AGGF1: variants seen among roughly 807,000 people sequenced by gnomAD.
AGGF1 encodes the protein angiogenic factor with G patch and FHA domains 1.
A neutral mutation model predicts 86.5 loss-of-function variants in AGGF1; 56 were observed. The ratio of observed to expected loss-of-function variants is 0.65; its 90% CI spans 0.52 to 0.81. AGGF1 has a LOEUF of 0.81. AGGF1 is among the 30% of genes least tolerant of loss of function. The pLI, the probability that AGGF1 is intolerant of heterozygous loss-of-function variation, is 0.00. For synonymous variants in AGGF1, 313 were observed against 297.1 expected (o/e 1.05, Z -0.55); for missense variants, 816 against 850.9 (o/e 0.96, Z 0.51).
chr5:77,033,368 G>T (rs115507528), intron 1 of AGGF1, among the ~76,000 whole-genome samples: 4 of 152,174 alleles, frequency 2.6e-5, no homozygotes, highest in African/African-American at 9.7e-5. Flanking sequence ...ATTTCAGGTG[G>T]TTTTGTGAAT....
At position 77,030,759 on chromosome 5, in the gene AGGF1, C is replaced by T. The variant is rs1746827585; in HGVS notation, c.-8C>T. The T allele has an allele frequency of 6.4e-7, 1 of 1,564,516 alleles. No individual in the cohort carries two copies. ...TCCGCGGCGACGAGCAGTCTCGCGC[C>T]GGAGCTCATGGCCTCGGAGGCGCCG... On this transcript the variant is annotated 5_prime_UTR_variant, in exon 1 of 14. Transcript: ENST00000312916.
intron 6 of AGGF1, 96 bp from the exon 7 acceptor site, chr5:77,048,065 A>C: frequency 1.2e-6 from 1 of 845,520 alleles, no homozygotes; most frequent in Non-Finnish European, 2.0e-6. Context: ...ATTTTTGACC[A>C]ACACATTTTT....
At chr5:77,049,120 G>C (rs1329108504) in intron 8 of AGGF1, 133 bp downstream of exon 8, 1 of 752,246 alleles carries the variant, frequency 1.3e-6, no homozygotes, top group Non-Finnish European at 2.2e-6. Context: ...AATAAAGGCA[G>C]TGCAGATCTG....
In AGGF1 at chr5:77,039,551, TC is replaced by T. The variant is rs1462989448; in HGVS notation, c.704del (p.Pro235LeufsTer22). On this transcript the variant is annotated frameshift_variant, in exon 5 of 14. Coordinates refer to ENST00000312916, the MANE Select transcript of AGGF1 (RefSeq NM_018046.5). LOFTEE classifies it high-confidence loss of function. ...YDSENQLYYDPSTGIYYYCDV... is the reference protein window; with the variant it reads ...YDSENQLYYDXSTGIYYYCDV... The stretch of plus-strand genomic sequence containing the variant: ...CAAAGGAAAATCAACTCTATTATGA[TC>T]CTTCCACTGGAATTTATTACTATTG... 2 of 1,609,108 alleles carry T rather than the reference TC, an allele frequency of 1.2e-6. No homozygotes were observed. The highest frequency in any genetic ancestry group is 1.7e-6 in the Non-Finnish European group (2 of 1,177,618).
chr5:77,034,435 A>T lies in AGGF1; in HGVS notation c.228A>T (p.Lys76Asn). 1 of 1,612,578 alleles carries T rather than the reference A, an allele frequency of 6.2e-7. No individual in the cohort carries two copies. Among genetic ancestry groups the T allele is most frequent in the Non-Finnish European group, 8.5e-7 (1 of 1,178,714 alleles). ...TCTCTCAGGTGGAAGAACTCAGTAAAATACTCCAACGTGGGAGAAATGAAG... is the reference window on the plus strand; with the variant it reads ...TCTCTCAGGTGGAAGAACTCAGTAATATACTCCAACGTGGGAGAAATGAAG... ...ELRTQVEELS[K>N]ILQRGRNEDN... Residue 76 changes from lysine to asparagine, a missense_variant, in exon 2 of 14, where the codon AAA (lysine) becomes AAT (asparagine). Lys to Asn is a moderately conservative substitution (Grantham distance 94, BLOSUM62 0). Transcript: ENST00000312916.
rs1430895116 is a variant in AGGF1, at chr5:77,052,725, T to A, written c.1385T>A (p.Phe462Tyr). 6.2e-7 allele frequency: 1 copy of A among 1,613,144 alleles called. No individual in the cohort carries two copies. The highest frequency in any genetic ancestry group is 8.5e-7 in the Non-Finnish European group (1 of 1,179,590). Reference sequence around the variant, plus strand: ...TCTAAGTTTCATGCAGAAATTTATTTTGACCATGACTTACAAAGTTATGTC... The same window carrying A: ...TCTAAGTTTCATGCAGAAATTTATTATGACCATGACTTACAAAGTTATGTC... ...GVSKFHAEIYFDHDLQSYVLV... is the reference protein window; with the variant it reads ...GVSKFHAEIYYDHDLQSYVLV... Residue 462 changes from phenylalanine (F) to tyrosine (Y), a missense_variant, in exon 9 of 14, where the codon TTT (phenylalanine) becomes TAT (tyrosine). Transcript: ENST00000312916.
At chr5:77,057,886 G>A (rs1435075300) in intron 11 of AGGF1, among the ~76,000 whole-genome samples, 1 of 152,214 alleles carries the variant, frequency 6.6e-6, no homozygotes, top group African/African-American at 2.4e-5. Flanking sequence ...TCAGGATGTT[G>A]CATTCCCAGC....
At chr5:77,044,166 C>T (rs1213240545) in intron 5 of AGGF1, among the ~76,000 whole-genome samples, 1 of 148,412 alleles carries the variant, frequency 6.7e-6, no homozygotes, top group African/African-American at 2.5e-5. Flanking sequence ...CTCCTCACTT[C>T]CCAGACAGGG....
intron 8 of AGGF1, 101 bp from the exon 9 acceptor site, chr5:77,052,605 A>T: frequency 2.5e-6 from 2 of 785,448 alleles, no homozygotes; most frequent in Admixed American, 2.6e-5. Context: ...AATAAAATTT[A>T]AATTATCAAA....
At chr5:77,056,324 G>A (rs189151580) in intron 11 of AGGF1, among the ~76,000 whole-genome samples, 184 of 150,866 alleles carry the variant, frequency 1.2e-3, no homozygotes, top group African/African-American at 4.3e-3. Flanking sequence ...TGTCTCCTGG[G>A]TTCAAATGAT....
intron 6 of AGGF1, among the ~76,000 whole-genome samples, chr5:77,047,508 T>G (rs569454476): frequency 3.9e-5 from 6 of 152,290 alleles, no homozygotes; most frequent in African/African-American, 1.4e-4. Context: ...TGGTTCTCAA[T>G]GGCATTTCTC....
At chr5:77,043,621 C>T (rs1470970947) in intron 5 of AGGF1, among the ~76,000 whole-genome samples, 2 of 118,560 alleles carry the variant, frequency 1.7e-5, no homozygotes, top group African/African-American at 3.2e-5. Context: ...GCTGGCCGGG[C>T]GGGGGGGCTG....
chr5:77,051,447 A>G lies in AGGF1; in HGVS notation c.1366-1259A>G, dbSNP rs1038429551. On this transcript the variant is annotated intron_variant, in intron 8 of 13. Coordinates refer to ENST00000312916, the MANE Select transcript of AGGF1 (RefSeq NM_018046.5). The stretch of plus-strand genomic sequence containing the variant: ...GATTCCATCTCAAAAAAAAAAAAAA[A>G]GAGTTTTGGTAGTAATCCAGGAAAT... Among the ~76,000 whole-genome samples, 14 of 149,804 alleles carry G rather than the reference A, an allele frequency of 9.3e-5. No individual in the cohort carries two copies. The South Asian group carries it at 1.9e-3, about 20-fold the overall frequency.
At position 77,054,041 on chromosome 5, in the gene AGGF1, A is replaced by G; in HGVS notation, c.1544A>G (p.His515Arg). Residue 515 changes from histidine to arginine, a missense_variant, in exon 10 of 14, where the codon CAC (histidine) becomes CGC (arginine). His to Arg is a conservative substitution (Grantham distance 29). Around this residue, in one of 3 missense-constraint regions of AGGF1, gnomAD observed 565 missense variants for 585.8 expected, o/e 0.96. Coordinates refer to ENST00000312916, the MANE Select transcript of AGGF1 (RefSeq NM_018046.5). ...VKIGETVLSFHIHPGSDTCDG... is the reference protein window; with the variant it reads ...VKIGETVLSFRIHPGSDTCDG... Reference sequence around the variant, plus strand: ...ATTGGAGAAACTGTCTTATCCTTTCACATTCATCCTGGCAGTGATACCTGT... The same window carrying G: ...ATTGGAGAAACTGTCTTATCCTTTCGCATTCATCCTGGCAGTGATACCTGT... 6.2e-7 allele frequency: 1 copy of G among 1,614,180 alleles called. No homozygotes were observed. The highest frequency in any genetic ancestry group is 8.5e-7 in the Non-Finnish European group (1 of 1,180,020).
At chr5:77,049,722 A>C (rs1747335334) in intron 8 of AGGF1, among the ~76,000 whole-genome samples, 1 of 151,830 alleles carries the variant, frequency 6.6e-6, no homozygotes, top group South Asian at 2.1e-4. Context: ...GCTAATCTTT[A>C]TGTATTTCAT....
chr5:77,055,422 A>G (rs1056893249), intron 10 of AGGF1, 92 bp from the exon 11 acceptor site: 20 of 802,898 alleles, frequency 2.5e-5, no homozygotes, highest in African/African-American at 1.2e-4. Flanking sequence ...AATGGGTTAT[A>G]TTAGTTTTTT....
rs927719907 is a variant in AGGF1 at position 77,064,934 on chromosome 5, A to G, written c.*1682A>G. The G allele has an allele frequency of 6.6e-6, 1 of 152,234 alleles. No individual in the cohort carries two copies. The highest frequency in any genetic ancestry group is 1.5e-5 in the Non-Finnish European group (1 of 68,042). The allele number at this position is 152,234 out of a possible 1,614,324, so 9.4% of individuals were successfully genotyped here. A position where few individuals can be genotyped will look rare whatever the true frequency, so the allele number is the denominator to read the frequency against. On this transcript the variant is annotated 3_prime_UTR_variant, in exon 14 of 14. Coordinates refer to ENST00000312916, the MANE Select transcript of AGGF1 (RefSeq NM_018046.5). ...TATTAAGAAAATGGAAAACTTAAAT[A>G]TGGTGTTAAAAATGGAAATATATGT...
At chr5:77,040,225 C>G (rs142496739) in intron 5 of AGGF1, among the ~76,000 whole-genome samples, 1 of 151,934 alleles carries the variant, frequency 6.6e-6, no homozygotes, top group Non-Finnish European at 1.5e-5. Context: ...TCTCCTGCCT[C>G]AGCCTCCCGA....
intron 5 of AGGF1, among the ~76,000 whole-genome samples, chr5:77,042,306 G>C (rs1400407595): frequency 1.4e-5 from 2 of 146,392 alleles, no homozygotes; most frequent in African/African-American, 5.0e-5. Context: ...ATCCTGGCCC[G>C]TTCTCAATGA....
Sources: allele counts gnomAD v4.1 joint callset (sites outside exome capture counted in the v4.1 genomes callset), GRCh38; gene constraint gnomAD v4.1.1; regional missense constraint gnomAD v4.1.1; transcripts MANE v1.5; gene names NCBI Gene and HGNC (gene_info 2026-07-23, HGNC 2026-07-21).